GPS1: variants seen among roughly 807,000 people sequenced by gnomAD.
The protein encoded by GPS1 is COP9 signalosome complex subunit 1.
GPS1 carries 11 observed loss-of-function variants against 60.0 expected under a neutral mutation model. The observed-to-expected ratio is 0.18, with a 90% confidence interval of 0.12 to 0.30. GPS1 has a LOEUF of 0.30. GPS1 is among the 10% of genes least tolerant of loss of function. The pLI is 1.00. For missense variants in GPS1, 543 were observed against 669.2 expected, an observed-to-expected ratio of 0.81 and a Z score of 2.08; for synonymous variants, 343 against 269.8, an observed-to-expected ratio of 1.27 and a Z score of -2.66.
In GPS1 at chr17:82,053,341, A is replaced by T. The variant is rs772287075; in HGVS notation, c.101A>T (p.Asn34Ile). ...QEDPQNAPDV[N>I]YVVENPSLDL... ...GACCCGCAGAATGCACCTGACGTCA[A>T]CTACGTGGTGGAGAACCCCAGCCTG... The change falls in exon 2 of 13, where the codon AAC becomes ATC. Residue 34 changes from asparagine to isoleucine, a missense_variant. Asn to Ile is a moderately radical substitution (Grantham distance 149, BLOSUM62 -3). This residue lies in a region of GPS1 where 181 missense variants were observed against 188.8 expected (regional missense o/e 0.96). Transcript: ENST00000578552. The T allele has an allele frequency of 2.6e-6, 4 of 1,533,736 alleles. No homozygotes were observed. Among genetic ancestry groups the T allele is most frequent in the Non-Finnish European group, 3.5e-6 (4 of 1,148,122 alleles).
At chr17:82,053,422 G>A in intron 2 of GPS1, 56 bp downstream of exon 2, 1 of 1,267,946 alleles carries the variant, frequency 7.9e-7, no homozygotes, top group Non-Finnish European at 1.0e-6. Flanking sequence ...GGGGTCCAGG[G>A]CACACTCCCC....
chr17:82,053,507 A>G (rs1162318984), intron 2 of GPS1, 141 bp downstream of exon 2: 7 of 606,688 alleles, frequency 1.2e-5, no homozygotes, highest in Non-Finnish European at 1.8e-5. Context: ...CGAAACCATC[A>G]GCGTTTCTGA....
rs761865346 is a variant in GPS1, at chr17:82,055,718, C to T, written c.749-22C>T. ...GGTCTTACCCCCTCTCCCCCCTCCC[C>T]GCCCCCGGCTCCTTCCACTAGGCTT... On this transcript the variant is annotated intron_variant, in intron 6 of 12. Coordinates refer to ENST00000578552, the MANE Select transcript of GPS1 (RefSeq NM_001321092.3). 4.5e-5 allele frequency: 69 copies of T among 1,519,640 alleles called. 1 individual carries two copies. Among genetic ancestry groups the T allele is most frequent in the Non-Finnish European group, 5.7e-5 (64 of 1,120,580 alleles). The allele number at this position is 1,519,640 out of a possible 1,614,324, so 94.1% of individuals were successfully genotyped here. A position where few individuals can be genotyped will look rare whatever the true frequency, so the allele number is the denominator to read the frequency against.
intron 1 of GPS1, chr17:82,052,293 A>G (rs1279094870): frequency 6.2e-7 from 1 of 1,612,298 alleles, no homozygotes; most frequent in Admixed American, 1.7e-5. Flanking sequence ...GGGGGTGCAG[A>G]AAGTCAGGAC....
chr17:82,055,307 C>T (rs1216258338), intron 6 of GPS1, 85 bp downstream of exon 6: 1 of 1,393,102 alleles, frequency 7.2e-7, no homozygotes, highest in Non-Finnish European at 1.0e-6. Context: ...TGGTCCCTGC[C>T]TCAGCCAGGG....
chr17:82,052,534 C>A lies in GPS1; in HGVS notation c.33+570C>A, dbSNP rs2031090164. 3.3e-6 allele frequency: 5 copies of A among 1,514,718 alleles called. No homozygotes were observed. In the South Asian group the frequency reaches 6.0e-5, roughly 18 times the overall value. The allele number at this position is 1,514,718 out of a possible 1,614,324, so 93.8% of individuals were successfully genotyped here. A position where few individuals can be genotyped will look rare whatever the true frequency, so the allele number is the denominator to read the frequency against. Reference sequence around the variant, plus strand: ...CCGGCCGCCCCTGCTGTGGCTGGGCCCCTGCTGCTCTGCTGGCCGAGGACA... The same window carrying A: ...CCGGCCGCCCCTGCTGTGGCTGGGCACCTGCTGCTCTGCTGGCCGAGGACA... On this transcript the variant is annotated intron_variant, in intron 1 of 12. Transcript: ENST00000578552.
chr17:82,052,941 A>G, intron 1 of GPS1: 1 of 258,538 alleles, frequency 3.9e-6, no homozygotes, highest in South Asian at 8.3e-5. Flanking sequence ...GGTGGCTGGG[A>G]ACGTGTAGGG....
chr17:82,052,928 G>A lies in GPS1; in HGVS notation c.34-346G>A, dbSNP rs186252307. ...CGTGGCTTGGAGGAAACTACATCAG[G>A]ATGGTGGCTGGGAACGTGTAGGGGC... On this transcript the variant is annotated intron_variant, in intron 1 of 12. Transcript: ENST00000578552. The A allele has an allele frequency of 4.1e-3, 1,041 of 253,634 alleles. 16 individuals are homozygous for A. The highest frequency in any genetic ancestry group is 0.022 in the African/African-American group (974 of 44,586). 15.7% of individuals were successfully genotyped at this position (253,634 alleles called of 1,614,324 possible).
chr17:82,051,239 C>A, upstream of GPS1: 1 of 1,323,154 alleles, frequency 7.6e-7, no homozygotes, highest in Non-Finnish European at 9.7e-7. This position sits in a 1 kb window ranked among gnomAD's most constrained non-coding sequence, Gnocchi z 4.1. Context: ...GGCTTCGGAG[C>A]GAGAAAGGCT....
At chr17:82,055,705 TCTCCCCC>T in intron 6 of GPS1, 28 bp from the exon 7 acceptor site, 2 of 745,426 alleles carry the variant, frequency 2.7e-6, no homozygotes, top group Non-Finnish European at 4.5e-6. Context: ...TCTTACCCCC[TCTCCCCC>T]CTCCCCGCCC....
chr17:82,053,181 T>A, intron 1 of GPS1, 93 bp from the exon 2 acceptor site: 3 of 1,005,416 alleles, frequency 3.0e-6, no homozygotes, highest in Non-Finnish European at 4.1e-6. Flanking sequence ...TGGAAGATCT[T>A]GGGCAGAGCT....
Position 82,057,247 on chromosome 17 carries a change from C to T in GPS1, c.*120C>T. On this transcript the variant is annotated 3_prime_UTR_variant, in exon 13 of 13. Transcript: ENST00000578552. ...AAGGGGCCTGGCCACTGGGTGCCAC[C>T]CAGCCTGTGTGCCCTCCCTGGGGCT... is the stretch of plus-strand genomic sequence containing the variant. 7.6e-7 allele frequency: 1 copy of T among 1,314,564 alleles called. No individual in the cohort carries two copies. Among genetic ancestry groups the T allele is most frequent in the Non-Finnish European group, 1.1e-6 (1 of 924,980 alleles). 81.4% of individuals were successfully genotyped at this position (1,314,564 alleles called of 1,614,324 possible).
upstream of GPS1, chr17:82,051,474 G>T: frequency 7.4e-7 from 1 of 1,349,322 alleles, no homozygotes; most frequent in South Asian, 1.9e-5. The surrounding 1 kb of genome is among the most constrained non-coding windows in gnomAD (Gnocchi z 4.1). Context: ...CGTGGGGCTC[G>T]CCGTCGGGGT....
chr17:82,056,237 G>A (rs745844787), intron 8 of GPS1, 49 bp from the exon 9 acceptor site: 9 of 1,429,712 alleles, frequency 6.3e-6, no homozygotes, highest in Non-Finnish European at 8.9e-6. Context: ...TGGCCACTTG[G>A]AGGGAGGGGC....
At chr17:82,055,496 C>T in intron 6 of GPS1, 1 of 606,502 alleles carries the variant, frequency 1.6e-6, no homozygotes, top group Admixed American at 2.9e-5. Flanking sequence ...CCTTTGCAGC[C>T]CTGCTAGCAC....
At chr17:82,052,754 G>A (rs1264958164) in intron 1 of GPS1, 2 of 453,358 alleles carry the variant, frequency 4.4e-6, no homozygotes, top group East Asian at 3.9e-5. Flanking sequence ...CCAGCTGGGG[G>A]CCATGAGGCT....
chr17:82,057,216 C>T lies in GPS1; in HGVS notation c.*89C>T, dbSNP rs750401131. ...CAGGCGGCTCAGTGCTGCCTGCGGC[C>T]CAGCTAAGGGGCCTGGCCACTGGGT... On this transcript the variant is annotated 3_prime_UTR_variant, in exon 13 of 13. Coordinates refer to ENST00000578552, the MANE Select transcript of GPS1 (RefSeq NM_001321092.3). 7.2e-6 allele frequency: 11 copies of T among 1,533,408 alleles called. No homozygotes were observed. Among genetic ancestry groups the T allele is most frequent in the South Asian group, 2.3e-5 (2 of 87,914 alleles). The allele number at this position is 1,533,408 out of a possible 1,614,324, so 95.0% of individuals were successfully genotyped here. A position where few individuals can be genotyped will look rare whatever the true frequency, so the allele number is the denominator to read the frequency against.
intron 6 of GPS1, 40 bp from the exon 7 acceptor site, chr17:82,055,700 C>CCCCCTCT: frequency 7.8e-7 from 1 of 1,276,030 alleles, no homozygotes; most frequent in Non-Finnish European, 1.1e-6. Flanking sequence ...TGGGGTCTTA[C>CCCCCTCT]CCCCTCTCCC....
chr17:82,051,204 GCA>G, upstream of GPS1: 1 of 1,305,484 alleles, frequency 7.7e-7, no homozygotes, highest in Non-Finnish European at 9.8e-7. This position sits in a 1 kb window ranked among gnomAD's most constrained non-coding sequence, Gnocchi z 4.1. Context: ...GCAGAGAAAG[GCA>G]CCCACAGCAG....
Sources: allele counts gnomAD v4.1 joint callset, GRCh38; gene constraint gnomAD v4.1.1; regional missense constraint gnomAD v4.1.1; non-coding constraint Gnocchi (gnomAD v3.1); transcripts MANE v1.5; gene names NCBI Gene and HGNC (gene_info 2026-07-23, HGNC 2026-07-21).